The following PCDH9 variants were observed in gnomAD, a reference collection of about 807,000 sequenced individuals.
The protein encoded by PCDH9 is protocadherin 9.
A neutral mutation model predicts 70.6 loss-of-function variants in PCDH9; 24 were observed. The ratio of observed to expected loss-of-function variants is 0.34; its 90% CI spans 0.25 to 0.48. The LOEUF (loss-of-function observed/expected upper bound fraction) is 0.48, where lower values mean the gene tolerates loss of function less well. Ranked by LOEUF, PCDH9 falls within the 20% of genes least tolerant of loss-of-function variation. The pLI, the probability that PCDH9 is intolerant of heterozygous loss-of-function variation, is 0.99. For synonymous variants in PCDH9, 562 were observed against 558.5 expected, an observed-to-expected ratio of 1.01 and a Z score of -0.09; for missense variants, 1,281 against 1,503.6, an observed-to-expected ratio of 0.85 and a Z score of 2.45.
intron 4 of PCDH9, among the ~76,000 whole-genome samples, chr13:66,495,233 A>G (rs1009504109): frequency 2.0e-5 from 3 of 152,196 alleles, no homozygotes; most frequent in Non-Finnish European, 2.9e-5. Context: ...GCATGTTTCA[A>G]TATCTTCTTT....
rs567004014 is a variant in PCDH9, at chr13:67,096,858, G to A, written c.3036+128547C>T. 1.1e-4 allele frequency among the ~76,000 whole-genome samples: 16 copies of A among 151,968 alleles called. No homozygotes were observed. The South Asian group carries it at 2.5e-3, about 24-fold the overall frequency. On this transcript the variant is annotated intron_variant, in intron 2 of 4. Coordinates refer to ENST00000377865, the MANE Select transcript of PCDH9 (RefSeq NM_203487.3). ...CTTTAAAATTGCTCTAAAAAATAAA[G>A]TTTATTAAAAAAACCCTATGTAAAA...
chr13:66,612,447 T>C (rs889851099), intron 4 of PCDH9, among the ~76,000 whole-genome samples: 1 of 152,246 alleles, frequency 6.6e-6, no homozygotes, highest in African/African-American at 2.4e-5. Context: ...TGTTGTAATG[T>C]GGTTGTTTCC....
intron 2 of PCDH9, 176 bp downstream of exon 2, chr13:67,225,229 C>A: frequency 7.6e-7 from 1 of 1,319,042 alleles, no homozygotes; most frequent in Non-Finnish European, 1.0e-6. Flanking sequence ...AATTTCAAAG[C>A]TGTTCTAAAA....
chr13:66,310,291 C>T (rs956850935), intron 4 of PCDH9, among the ~76,000 whole-genome samples: 3 of 152,002 alleles, frequency 2.0e-5, no homozygotes, highest in East Asian at 3.9e-4. Flanking sequence ...CTCATCTTCT[C>T]GTTAAACACC....
intron 2 of PCDH9, among the ~76,000 whole-genome samples, chr13:67,123,764 T>A (rs1237014319): frequency 6.6e-6 from 1 of 151,964 alleles, no homozygotes; most frequent in African/African-American, 2.4e-5. Flanking sequence ...TAAAAAGAAA[T>A]TAAAAGTTTC....
At position 67,157,227 on chromosome 13, in the gene PCDH9, T is replaced by C. The variant is rs112863409; in HGVS notation, c.3036+68178A>G. On this transcript the variant is annotated intron_variant, in intron 2 of 4. Coordinates refer to ENST00000377865, the MANE Select transcript of PCDH9 (RefSeq NM_203487.3). The stretch of plus-strand genomic sequence containing the variant: ...GTATCACATAACTTTTTTCACATTC[T>C]TCCTTGCCTCAACGGTTTGCATATA... 9.1e-3 allele frequency among the ~76,000 whole-genome samples: 1,388 copies of C among 152,290 alleles called. 17 individuals carry two copies. Among genetic ancestry groups the C allele is most frequent in the African/African-American group, 0.03 (1,237 of 41,552 alleles).
intron 2 of PCDH9, among the ~76,000 whole-genome samples, chr13:67,086,654 G>T (rs2086113952): frequency 6.6e-6 from 1 of 152,262 alleles, no homozygotes; most frequent in Admixed American, 6.5e-5. Context: ...CAAGAGACTA[G>T]ATCTGTAGCC....
chr13:66,792,817 T>A (rs1257434548), intron 3 of PCDH9, among the ~76,000 whole-genome samples: 1 of 152,150 alleles, frequency 6.6e-6, no homozygotes, highest in Non-Finnish European at 1.5e-5. Flanking sequence ...CACTCATACA[T>A]ATATATGTAG....
chr13:66,603,275 A>G (rs1297604525), intron 4 of PCDH9, among the ~76,000 whole-genome samples: 3 of 113,574 alleles, frequency 2.6e-5, no homozygotes, highest in African/African-American at 8.5e-5. Flanking sequence ...ATCAGAGAAG[A>G]GATTAGCTGC....
chr13:67,089,109 G>C (rs1323376450), intron 2 of PCDH9, among the ~76,000 whole-genome samples: 1 of 151,968 alleles, frequency 6.6e-6, no homozygotes, highest in African/African-American at 2.4e-5. Flanking sequence ...GAAAGGTAAA[G>C]GTCATTAATA....
intron 3 of PCDH9, among the ~76,000 whole-genome samples, chr13:66,719,799 G>T (rs1020878608): frequency 1.3e-5 from 2 of 152,168 alleles, no homozygotes; most frequent in African/African-American, 4.8e-5. Flanking sequence ...CCATTAAAAT[G>T]TTATTAGCAT....
intron 2 of PCDH9, among the ~76,000 whole-genome samples, chr13:67,047,678 A>C (rs1365692835): frequency 6.6e-6 from 1 of 152,184 alleles, no homozygotes; most frequent in African/African-American, 2.4e-5. Context: ...TATTAGTTAA[A>C]ATGTACTCTA....
chr13:66,476,028 C>A (rs577957917), intron 4 of PCDH9, among the ~76,000 whole-genome samples: 2 of 152,030 alleles, frequency 1.3e-5, no homozygotes, highest in Non-Finnish European at 2.9e-5. Context: ...ACTCTTTCAG[C>A]CTTCAGCCCT....
At chr13:66,363,091 A>C (rs770800524) in intron 4 of PCDH9, among the ~76,000 whole-genome samples, 1 of 152,132 alleles carries the variant, frequency 6.6e-6, no homozygotes, top group Admixed American at 6.5e-5. Context: ...AGGCTTTAGA[A>C]TCGCTTGAAC....
chr13:66,623,554 T>TG (rs2077459370), intron 4 of PCDH9, among the ~76,000 whole-genome samples: 1 of 152,194 alleles, frequency 6.6e-6, no homozygotes, highest in Admixed American at 6.5e-5. Context: ...TCCCCCCACC[T>TG]CAGCCTCCTT....
intron 2 of PCDH9, among the ~76,000 whole-genome samples, chr13:67,105,970 G>C (rs896958879): frequency 2.6e-5 from 4 of 151,504 alleles, no homozygotes; most frequent in Non-Finnish European, 5.9e-5. Flanking sequence ...GTGTAGGAAA[G>C]AAATTTTGAA....
intron 3 of PCDH9, among the ~76,000 whole-genome samples, chr13:66,892,401 T>C (rs1338210629): frequency 6.6e-6 from 1 of 151,882 alleles, no homozygotes; most frequent in Non-Finnish European, 1.5e-5. Context: ...TTCAAGCTTT[T>C]ATACATTACC....
At chr13:66,820,712 GCTGGAGGCCATTAT>G (rs1245783592) in intron 3 of PCDH9, among the ~76,000 whole-genome samples, 2 of 152,124 alleles carry the variant, frequency 1.3e-5, no homozygotes, top group Non-Finnish European at 2.9e-5. Flanking sequence ...CATGGATGGA[GCTGGAGGCCATTAT>G]CTTTAGCAAA....
chr13:66,565,135 C>A (rs142071589), intron 4 of PCDH9, among the ~76,000 whole-genome samples: 91 of 152,240 alleles, frequency 6.0e-4, no homozygotes, highest in Non-Finnish European at 1.2e-3. Context: ...AAATTGTAAC[C>A]TAACACTATT....
Sources: allele counts gnomAD v4.1 joint callset (sites outside exome capture counted in the v4.1 genomes callset), GRCh38; gene constraint gnomAD v4.1.1; transcripts MANE v1.5; gene names NCBI Gene and HGNC (gene_info 2026-07-23, HGNC 2026-07-21).